The following LAMA2 variants were observed in gnomAD, a reference collection of about 807,000 sequenced individuals.
LAMA2 encodes laminin subunit alpha-2.
In LAMA2, 269 loss-of-function variants were observed where a neutral mutation model predicts 364.8. That is an observed-to-expected ratio of 0.74 (90% confidence interval 0.67 to 0.82). LAMA2 has a LOEUF of 0.82. LAMA2 is among the 40% of genes least tolerant of loss of function. The probability of loss-of-function intolerance (pLI) is 0.00; values close to 1 mark genes in which losing one functional copy is unlikely to be tolerated. For missense variants in LAMA2, 3,807 were observed against 3,873.2 expected, an observed-to-expected ratio of 0.98 and a Z score of 0.45; for synonymous variants, 1,379 against 1,370.6, an observed-to-expected ratio of 1.01 and a Z score of -0.14.
intron 60 of LAMA2, among the ~76,000 whole-genome samples, chr6:129,503,922 T>G (rs1455134707): frequency 1.3e-5 from 2 of 152,194 alleles, no homozygotes; most frequent in Non-Finnish European, 2.9e-5. Context: ...CACAGAAGGC[T>G]CATTTGCCAG....
chr6:129,224,518 C>A (rs1315199559), intron 12 of LAMA2, among the ~76,000 whole-genome samples: 1 of 152,112 alleles, frequency 6.6e-6, no homozygotes, highest in African/African-American at 2.4e-5. Flanking sequence ...GAGATACATC[C>A]CATCAATACC....
At chr6:129,503,413 C>A (rs531859548) in intron 60 of LAMA2, 133 bp downstream of exon 60, 2 of 809,034 alleles carry the variant, frequency 2.5e-6, no homozygotes, top group Non-Finnish European at 4.1e-6. Context: ...AAATAAGTGC[C>A]ATATACAACT....
At chr6:129,255,172 C>G (rs777429058) in intron 14 of LAMA2, among the ~76,000 whole-genome samples, 4 of 151,752 alleles carry the variant, frequency 2.6e-5, no homozygotes, top group Non-Finnish European at 4.4e-5. Flanking sequence ...ATTTGGGAGG[C>G]TGAGGCAGGC....
chr6:128,978,349 C>CT (rs1236313304), intron 1 of LAMA2, among the ~76,000 whole-genome samples: 3,165 of 147,920 alleles, frequency 0.021, 147 homozygotes, highest in African/African-American at 0.076. Flanking sequence ...TTCTTTCTTT[C>CT]TTTTTTTTTT....
chr6:129,393,921 C>G (rs73591274), intron 37 of LAMA2, among the ~76,000 whole-genome samples: 4,305 of 152,256 alleles, frequency 0.028, 190 homozygotes, highest in African/African-American at 0.097. Flanking sequence ...ATCAGGTCTG[C>G]GTTATTTTCT....
chr6:129,273,097 A>C (rs976880082), intron 17 of LAMA2, among the ~76,000 whole-genome samples: 2 of 152,134 alleles, frequency 1.3e-5, no homozygotes, highest in African/African-American at 4.8e-5. Context: ...GGCAAGAGAG[A>C]AACCTGTTGG....
At chr6:129,277,519 TATGTC>T (rs1788413554) in intron 17 of LAMA2, among the ~76,000 whole-genome samples, 1 of 152,192 alleles carries the variant, frequency 6.6e-6, no homozygotes, top group African/African-American at 2.4e-5. Flanking sequence ...TTGGATGCGT[TATGTC>T]GAGTATCTAT....
At chr6:129,223,199 T>C (rs1294200339) in intron 12 of LAMA2, among the ~76,000 whole-genome samples, 4 of 152,222 alleles carry the variant, frequency 2.6e-5, no homozygotes, top group African/African-American at 9.6e-5. Flanking sequence ...ATTTGTTTTT[T>C]TCTTGTAAGT....
intron 1 of LAMA2, among the ~76,000 whole-genome samples, chr6:128,991,083 G>A (rs765147566): frequency 6.6e-6 from 1 of 151,922 alleles, no homozygotes; most frequent in African/African-American, 2.4e-5. Flanking sequence ...ATTTTGATTC[G>A]AAAAGTAAGT....
chr6:129,430,763 A>T (rs1158679981), intron 41 of LAMA2, among the ~76,000 whole-genome samples: 2 of 152,150 alleles, frequency 1.3e-5, no homozygotes, highest in Non-Finnish European at 2.9e-5. Flanking sequence ...GAATAACTTG[A>T]GCCCAGGAGG....
intron 17 of LAMA2, 29 bp from the exon 18 acceptor site, chr6:129,280,032 C>A: frequency 4.1e-6 from 6 of 1,456,964 alleles, no homozygotes; most frequent in Non-Finnish European, 5.8e-6. Flanking sequence ...TCTTCCTTGT[C>A]CCTGTTTTCC....
chr6:129,405,806 A>G (rs1327727696), intron 40 of LAMA2, among the ~76,000 whole-genome samples: 2 of 152,190 alleles, frequency 1.3e-5, no homozygotes, highest in Admixed American at 6.5e-5. Flanking sequence ...CTAACATCCC[A>G]TAAATATAAG....
intron 12 of LAMA2, among the ~76,000 whole-genome samples, chr6:129,196,349 G>C (rs1781850903): frequency 1.3e-5 from 2 of 152,130 alleles, no homozygotes; most frequent in Admixed American, 6.6e-5. Context: ...TGATATTTGA[G>C]ATTTGTAGGA....
chr6:129,448,633 C>T (rs1782511745), intron 45 of LAMA2, among the ~76,000 whole-genome samples: 1 of 152,046 alleles, frequency 6.6e-6, no homozygotes, highest in Admixed American at 6.5e-5. Context: ...AAATGAATGA[C>T]CTACTTACTG....
chr6:129,460,137 G>A, intron 48 of LAMA2, 63 bp from the exon 49 acceptor site: 1 of 1,530,126 alleles, frequency 6.5e-7, no homozygotes, highest in Admixed American at 1.7e-5. Context: ...TAACTCTCAT[G>A]GATAAACCAA....
rs368152489 is a variant in LAMA2, at chr6:129,289,963, A to G, written c.2750-1651A>G. 2.5e-3 allele frequency among the ~76,000 whole-genome samples: 383 copies of G among 152,282 alleles called. 1 individual carries two copies. The highest frequency in any genetic ancestry group is 5.4e-3 in the South Asian group (26 of 4,832). The stretch of plus-strand genomic sequence containing the variant: ...ATAAGTGGTAAAACCTCAAGGAAAG[A>G]AAGTTCCTGGAAATACATTATTTTG... On this transcript the variant is annotated intron_variant, in intron 19 of 64. Coordinates refer to ENST00000421865, the MANE Select transcript of LAMA2 (RefSeq NM_000426.4).
At chr6:129,402,289 C>G (rs971474209) in intron 38 of LAMA2, 35 bp from the exon 39 acceptor site, 3 of 1,555,290 alleles carry the variant, frequency 1.9e-6, no homozygotes, top group Non-Finnish European at 8.8e-7. Context: ...GGCTTGAATT[C>G]ACTTGCTTAA....
At chr6:129,087,632 A>T (rs1774457733) in intron 3 of LAMA2, among the ~76,000 whole-genome samples, 1 of 152,160 alleles carries the variant, frequency 6.6e-6, no homozygotes, top group South Asian at 2.1e-4. Flanking sequence ...AACATAATCA[A>T]AATCTGTGGA....
intron 3 of LAMA2, among the ~76,000 whole-genome samples, chr6:129,090,452 ACACCTG>A (rs1218110753): frequency 1.3e-5 from 2 of 152,212 alleles, no homozygotes. Context: ...CAAATTCATC[ACACCTG>A]CTTCCAAGTT....
Sources: gnomAD v4.1 joint callset for allele counts (sites outside exome capture counted in the v4.1 genomes callset) on GRCh38, gnomAD v4.1.1 for gene constraint, MANE v1.5 for transcripts, NCBI Gene and HGNC (gene_info 2026-07-23, HGNC 2026-07-21) for gene names.